BCL11A: variants seen among roughly 807,000 people sequenced by gnomAD.
The protein encoded by BCL11A is B cell CLL/lymphoma 11A.
Under a neutral mutation model 55.9 loss-of-function variants are expected in BCL11A, and 2 were observed. That is an observed-to-expected ratio of 0.04 (90% CI 0.01 to 0.11). The LOEUF is 0.11. BCL11A is among the 10% of genes least tolerant of loss of function. The pLI, the probability that BCL11A is intolerant of heterozygous loss-of-function variation, is 1.00. For missense variants in BCL11A, 817 were observed against 1,137.1 expected, an observed-to-expected ratio of 0.72 and a Z score of 4.05; for synonymous variants, 465 against 473.4, an observed-to-expected ratio of 0.98 and a Z score of 0.23.
intron 2 of BCL11A, among the ~76,000 whole-genome samples, chr2:60,505,932 T>C (rs1679565501): frequency 6.6e-6 from 1 of 152,196 alleles, no homozygotes; most frequent in Non-Finnish European, 1.5e-5. Flanking sequence ...CAGCCCCACC[T>C]GGTTCGTCTG....
intron 2 of BCL11A, among the ~76,000 whole-genome samples, chr2:60,480,453 A>G (rs1123573): frequency 0.34 from 52,365 of 151,966 alleles, 9,476 homozygotes; most frequent in Middle Eastern, 0.39. Context: ...CCTGTTGGAG[A>G]GCCATTCTAA....
chr2:60,546,791 C>T lies in BCL11A; in HGVS notation c.56-491G>A, dbSNP rs1391093270. Among the ~76,000 whole-genome samples the T allele has an allele frequency of 6.6e-6, 1 of 152,148 alleles. No individual in the cohort carries two copies. The highest frequency in any genetic ancestry group is 6.5e-5 in the Admixed American group (1 of 15,278). ...ATGAAAGGAGAGGTGAATAAACACA[C>T]ACACCCTTTGTGTGTGAATGTATAT... is the stretch of plus-strand genomic sequence containing the variant. On this transcript the variant is annotated intron_variant, in intron 1 of 3. Coordinates refer to ENST00000642384, the MANE Select transcript of BCL11A (RefSeq NM_022893.4). The surrounding 1 kb of genome is among the most constrained non-coding windows in gnomAD (Gnocchi z 4.1).
chr2:60,497,543 C>T (rs771325432), intron 2 of BCL11A, among the ~76,000 whole-genome samples: 3 of 152,134 alleles, frequency 2.0e-5, no homozygotes, highest in Non-Finnish European at 4.4e-5. Flanking sequence ...CAGGAATCAG[C>T]TAGAAACTCA....
rs191610271 is a variant in BCL11A at position 60,488,183 on chromosome 2, G to A, written c.386-19350C>T. Among the ~76,000 whole-genome samples, 231 of 152,282 alleles carry A rather than the reference G, an allele frequency of 1.5e-3. 1 individual carries two copies. The highest frequency in any genetic ancestry group is 0.014 in the Admixed American group (217 of 15,300). On this transcript the variant is annotated intron_variant, in intron 2 of 3. Coordinates refer to ENST00000642384, the MANE Select transcript of BCL11A (RefSeq NM_022893.4). Reference sequence around the variant, plus strand: ...AGAGTGTTTCTTCCTTTCCTTCTAGGAACATGAGGAGTGAATCTGACTATT... The same window carrying A: ...AGAGTGTTTCTTCCTTTCCTTCTAGAAACATGAGGAGTGAATCTGACTATT...
intron 2 of BCL11A, among the ~76,000 whole-genome samples, chr2:60,483,666 A>G (rs1046040407): frequency 6.6e-6 from 1 of 152,258 alleles, no homozygotes; most frequent in African/African-American, 2.4e-5. Context: ...ATGAGCTGGC[A>G]TATTAGCAGA....
chr2:60,467,353 G>A (rs1367429453), intron 3 of BCL11A, among the ~76,000 whole-genome samples: 1 of 70,558 alleles, frequency 1.4e-5, no homozygotes, highest in Non-Finnish European at 2.8e-5. Flanking sequence ...TGGTAATGGT[G>A]GTGGTGGTGA....
intron 2 of BCL11A, among the ~76,000 whole-genome samples, chr2:60,499,302 A>G (rs944249143): frequency 3.9e-5 from 6 of 152,258 alleles, no homozygotes; most frequent in Non-Finnish European, 7.4e-5. Flanking sequence ...CTGCCCAGCC[A>G]TACCCTTCTG....
chr2:60,547,250 A>G (rs1319072645), intron 1 of BCL11A, among the ~76,000 whole-genome samples: 1 of 152,224 alleles, frequency 6.6e-6, no homozygotes, highest in Non-Finnish European at 1.5e-5. Context: ...GACTTGAAAT[A>G]CTTCGCCTAA....
chr2:60,468,865 G>A (rs755814061), intron 2 of BCL11A, 32 bp from the exon 3 acceptor site: 3 of 1,384,908 alleles, frequency 2.2e-6, no homozygotes, highest in Non-Finnish European at 3.1e-6. Context: ...AAGCACTACA[G>A]CTACAAACAA....
downstream of BCL11A, among the ~76,000 whole-genome samples, chr2:60,455,961 T>C (rs1166990980): frequency 2.0e-5 from 3 of 152,118 alleles, no homozygotes; most frequent in African/African-American, 7.2e-5. Flanking sequence ...GTTCTCAAGG[T>C]ACCGCACGCC....
At chr2:60,513,099 T>A (rs891219722) in intron 2 of BCL11A, among the ~76,000 whole-genome samples, 1 of 152,116 alleles carries the variant, frequency 6.6e-6, no homozygotes, top group African/African-American at 2.4e-5. Context: ...TCAGGGATCA[T>A]GAGGACTCAC....
intron 2 of BCL11A, chr2:60,526,708 G>C (rs1341630068): frequency 6.6e-6 from 1 of 152,174 alleles, no homozygotes; most frequent in Non-Finnish European, 1.5e-5. Flanking sequence ...TGTTAAAGAA[G>C]AAGATGCAAT....
chr2:60,473,139 C>T (rs35125709), intron 2 of BCL11A, among the ~76,000 whole-genome samples: 3,994 of 151,554 alleles, frequency 0.026, 60 homozygotes, highest in South Asian at 0.038. Context: ...TGTGTGTTAG[C>T]GTGTTCATGT....
Position 60,458,301 on chromosome 2 carries a change from G to C in BCL11A, c.*2103C>G. ...TTTTTTTTTTTACAACCTGAAGAGC[G>C]GTGTGTATCCAAGGCATAGAATTTC... On this transcript the variant is annotated 3_prime_UTR_variant, in exon 4 of 4. Coordinates refer to ENST00000642384, the MANE Select transcript of BCL11A (RefSeq NM_022893.4). 2 of 1,024,276 alleles carry C rather than the reference G, an allele frequency of 2.0e-6. No individual in the cohort carries two copies. The highest frequency in any genetic ancestry group is 2.3e-6 in the Non-Finnish European group (2 of 854,056). The allele number at this position is 1,024,276 out of a possible 1,614,324, so 63.4% of individuals were successfully genotyped here. A position where few individuals can be genotyped will look rare whatever the true frequency, so the allele number is the denominator to read the frequency against.
intron 2 of BCL11A, chr2:60,535,059 T>G (rs1009816857): frequency 7.9e-5 from 12 of 152,234 alleles, no homozygotes; most frequent in Non-Finnish European, 1.3e-4. Context: ...TACATGTTAA[T>G]AGGCCAATCA....
chr2:60,464,531 T>G (rs1182735919), intron 3 of BCL11A, among the ~76,000 whole-genome samples: 1 of 152,188 alleles, frequency 6.6e-6, no homozygotes, highest in Non-Finnish European at 1.5e-5. Flanking sequence ...GTAAAAAGAT[T>G]TGTCTGATAA....
chr2:60,531,039 G>A (rs1004877363), intron 2 of BCL11A, among the ~76,000 whole-genome samples: 1 of 152,104 alleles, frequency 6.6e-6, no homozygotes, highest in African/African-American at 2.4e-5. Context: ...CGCTCCCAAT[G>A]TACAATTTTC....
At chr2:60,452,418 A>T (rs1675761263), downstream of BCL11A, 1 of 616,942 alleles carries the variant, frequency 1.6e-6, no homozygotes, top group Non-Finnish European at 2.9e-6. Context: ...ATGGCGCTGC[A>T]GGCCTAGGCT....
At chr2:60,510,685 G>C (rs992850836) in intron 2 of BCL11A, among the ~76,000 whole-genome samples, 52 of 152,286 alleles carry the variant, frequency 3.4e-4, no homozygotes, top group African/African-American at 1.2e-3. Flanking sequence ...CATGTGGCAG[G>C]TGTTCAAAAT....
Sources: gnomAD v4.1 joint callset for allele counts (sites outside exome capture counted in the v4.1 genomes callset) on GRCh38, gnomAD v4.1.1 for gene constraint, Gnocchi (gnomAD v3.1) non-coding constraint, MANE v1.5 for transcripts, NCBI Gene and HGNC (gene_info 2026-07-23, HGNC 2026-07-21) for gene names.